TNPO3: variants seen among roughly 807,000 people sequenced by gnomAD.
TNPO3 encodes the protein transportin 3, also known as transportin-3.
Under a neutral mutation model 122.8 loss-of-function variants are expected in TNPO3, and 65 were observed. That is an observed-to-expected ratio of 0.53 (90% CI 0.43 to 0.65). The LOEUF is 0.65. TNPO3 is among the 30% of genes least tolerant of loss of function. TNPO3 has a pLI of 0.00. For synonymous variants in TNPO3, 372 were observed against 411.2 expected, an observed-to-expected ratio of 0.90 and a Z score of 1.15; for missense variants, 850 against 1,136.7, an observed-to-expected ratio of 0.75 and a Z score of 3.63.
chr7:128,979,923 G>A, intron 15 of TNPO3, 48 bp downstream of exon 15: 4 of 1,568,650 alleles, frequency 2.5e-6, no homozygotes, highest in African/African-American at 1.4e-5. Context: ...AGCCCTGTAA[G>A]GAAAAAAGAA....
intron 1 of TNPO3, among the ~76,000 whole-genome samples, chr7:129,049,996 A>G (rs1475591561): frequency 4.6e-5 from 7 of 152,146 alleles, no homozygotes; most frequent in Non-Finnish European, 1.0e-4. Context: ...GACTGAGGAG[A>G]GAGGATTGCC....
chr7:128,977,160 A>T (rs1484193933), intron 16 of TNPO3, among the ~76,000 whole-genome samples: 1 of 152,160 alleles, frequency 6.6e-6, no homozygotes, highest in Non-Finnish European at 1.5e-5. Context: ...GATAATTTTC[A>T]TTTTTGTCAC....
intron 1 of TNPO3, chr7:129,029,647 C>T (rs556363423): frequency 6.6e-6 from 1 of 152,288 alleles, no homozygotes; most frequent in African/African-American, 2.4e-5. Flanking sequence ...TATTTTCCAC[C>T]AGACTCTAGA....
chr7:129,001,221 G>T lies in TNPO3; in HGVS notation c.710C>A (p.Thr237Asn), dbSNP rs1801913993. 1 of 1,605,098 alleles carries T rather than the reference G, an allele frequency of 6.2e-7. No individual in the cohort carries two copies. The highest frequency in any genetic ancestry group is 8.5e-7 in the Non-Finnish European group (1 of 1,172,820). Reference protein sequence around the residue: ...LLFEVLQQDKTSSNLHEAASD... With the variant: ...LLFEVLQQDKNSSNLHEAASD... ...AGCAGCTTCATGTAGGTTAGACGAG[G>T]TCTTATCCTGTTGCTGGGGAGGTAG... Residue 237 changes from threonine to asparagine, a missense_variant, in exon 6 of 23, where the codon ACC (threonine) becomes AAC (asparagine). Thr to Asn is a moderately conservative substitution (Grantham distance 65, BLOSUM62 0). Coordinates refer to ENST00000265388, the MANE Select transcript of TNPO3 (RefSeq NM_012470.4).
chr7:128,988,476 C>T (rs1800405053), intron 11 of TNPO3, among the ~76,000 whole-genome samples: 1 of 152,164 alleles, frequency 6.6e-6, no homozygotes, highest in Non-Finnish European at 1.5e-5. Flanking sequence ...ATGTAGACTT[C>T]TGTGATTCCC....
At position 129,033,484 on chromosome 7, in the gene TNPO3, C is replaced by A. The variant is rs563099500; in HGVS notation, c.121-15327G>T. Among the ~76,000 whole-genome samples, 43 of 152,210 alleles carry A rather than the reference C, an allele frequency of 2.8e-4. No homozygotes were observed. The South Asian group carries it at 8.9e-3, about 32-fold the overall frequency. On this transcript the variant is annotated intron_variant, in intron 1 of 22. Coordinates refer to ENST00000265388, the MANE Select transcript of TNPO3 (RefSeq NM_012470.4). ...TATCAAGAATGTGGAGAAACTAGAA[C>A]CCTTTGCATCACTGGTGGGAATGTA...
intron 1 of TNPO3, among the ~76,000 whole-genome samples, chr7:129,045,971 G>T (rs1043961623): frequency 2.0e-5 from 3 of 152,102 alleles, no homozygotes; most frequent in Non-Finnish European, 2.9e-5. Context: ...AGGCTGAGGT[G>T]GGTGGATCAC....
At chr7:128,966,100 TAAA>T (rs2128986988) in intron 21 of TNPO3, among the ~76,000 whole-genome samples, 1 of 152,326 alleles carries the variant, frequency 6.6e-6, no homozygotes, top group East Asian at 1.9e-4. Context: ...TTATAACAGT[TAAA>T]AAATTTTCAA....
intron 1 of TNPO3, among the ~76,000 whole-genome samples, chr7:129,050,015 A>C (rs539630091): frequency 6.6e-6 from 1 of 152,242 alleles, no homozygotes; most frequent in Non-Finnish European, 1.5e-5. Flanking sequence ...CCTGAGACCA[A>C]GAGTTCGGGT....
intron 1 of TNPO3, among the ~76,000 whole-genome samples, chr7:129,032,275 CA>C: frequency 6.6e-6 from 1 of 152,262 alleles, no homozygotes; most frequent in East Asian, 1.9e-4. Context: ...AAAAGCTTTT[CA>C]AAACTGTAAG....
At chr7:128,997,239 T>C in intron 8 of TNPO3, 150 bp downstream of exon 8, 1 of 672,308 alleles carries the variant, frequency 1.5e-6, no homozygotes, top group Non-Finnish European at 2.4e-6. Flanking sequence ...GCTCTAACGA[T>C]TCATCTGCCT....
Position 128,984,062 on chromosome 7 carries a change from G to C in TNPO3, c.1782+106C>G, listed in dbSNP as rs1238395087. ...TAATAAATTCTTAGTGCATTTTCTT[G>C]GATTTTCTAGGTAGACAAAAGATCT... On this transcript the variant is annotated intron_variant, in intron 13 of 22. Transcript: ENST00000265388. 5.0e-6 allele frequency: 3 copies of C among 596,282 alleles called. No individual in the cohort carries two copies. In the East Asian group the frequency reaches 9.5e-5, roughly 19 times the overall value. The allele number at this position is 596,282 out of a possible 1,614,324, so 36.9% of individuals were successfully genotyped here.
Position 129,054,558 on chromosome 7 carries a change from G to A in TNPO3, c.120+93C>T, listed in dbSNP as rs1459436782. ...AGCTCCTCCCCAAGGAGGACCTCAC[G>A]AGGTCAACTGCCGGGCTCAGGTTCT... On this transcript the variant is annotated intron_variant, in intron 1 of 22. Coordinates refer to ENST00000265388, the MANE Select transcript of TNPO3 (RefSeq NM_012470.4). 1.7e-5 allele frequency: 26 copies of A among 1,562,678 alleles called. No individual in the cohort carries two copies. The East Asian group carries it at 3.9e-4, about 23-fold the overall frequency.
chr7:128,989,898 G>C (rs1800570669), intron 11 of TNPO3, 63 bp downstream of exon 11: 2 of 1,572,944 alleles, frequency 1.3e-6, no homozygotes, highest in Non-Finnish European at 1.7e-6. Context: ...AAAAGTAAGA[G>C]ATGAGAAGAA....
Position 128,958,137 on chromosome 7 carries a change from C to CTTTTTTTTTTTT in TNPO3, c.2712-834_2712-823dup, listed in dbSNP as rs55683535. Among the ~76,000 whole-genome samples the CTTTTTTTTTTTT allele has an allele frequency of 2.0e-4, 19 of 96,218 alleles. 1 individual carries two copies. The highest frequency in any genetic ancestry group is 2.5e-4 in the Non-Finnish European group (13 of 51,508). 63.1% of individuals were successfully genotyped at this position (96,218 alleles called of 152,430 possible). A position where few individuals can be genotyped will look rare whatever the true frequency, so the allele number is the denominator to read the frequency against. ...AAAGCAGTGGAGAAGGAAGCACTTC[C>CTTTTTTTTTTTT]TTTTTTTTTTTTTTTTTTTTTTTGA... On this transcript the variant is annotated intron_variant, in intron 21 of 22. Coordinates refer to ENST00000265388, the MANE Select transcript of TNPO3 (RefSeq NM_012470.4).
At chr7:129,008,558 C>CTA (rs1802834437) in intron 4 of TNPO3, among the ~76,000 whole-genome samples, 1 of 152,078 alleles carries the variant, frequency 6.6e-6, no homozygotes, top group Non-Finnish European at 1.5e-5. Context: ...TTAGAAAAGA[C>CTA]TATGACACTA....
intron 1 of TNPO3, among the ~76,000 whole-genome samples, chr7:129,023,239 A>G (rs369769149): frequency 6.6e-6 from 1 of 152,202 alleles, no homozygotes; most frequent in African/African-American, 2.4e-5. Context: ...TAAAAACTTT[A>G]TAGTGCTGTA....
At chr7:129,050,550 C>T (rs1388993251) in intron 1 of TNPO3, among the ~76,000 whole-genome samples, 1 of 152,130 alleles carries the variant, frequency 6.6e-6, no homozygotes, top group Non-Finnish European at 1.5e-5. Context: ...ACTCTCCCAC[C>T]ATAACAGAAG....
At chr7:129,040,567 G>T (rs1807255873) in intron 1 of TNPO3, among the ~76,000 whole-genome samples, 2 of 152,120 alleles carry the variant, frequency 1.3e-5, no homozygotes, top group African/African-American at 4.8e-5. Flanking sequence ...ACACACTTAA[G>T]ATGGTGCACT....
Sources: allele counts gnomAD v4.1 joint callset (sites outside exome capture counted in the v4.1 genomes callset), GRCh38; gene constraint gnomAD v4.1.1; transcripts MANE v1.5; gene names NCBI Gene and HGNC (gene_info 2026-07-23, HGNC 2026-07-21).